SSH3: variants seen among roughly 807,000 people sequenced by gnomAD.
The protein encoded by SSH3 is protein phosphatase Slingshot homolog 3.
Under a neutral mutation model 75.0 loss-of-function variants are expected in SSH3, and 67 were observed. That is an observed-to-expected ratio of 0.89 (90% CI 0.73 to 1.10). SSH3 has a LOEUF of 1.10. SSH3 is among the 50% of genes least tolerant of loss of function. The pLI, the probability that SSH3 is intolerant of heterozygous loss-of-function variation, is 0.00. For synonymous variants in SSH3, 318 were observed against 349.2 expected, an observed-to-expected ratio of 0.91 and a Z score of 1.00; for missense variants, 824 against 872.7, an observed-to-expected ratio of 0.94 and a Z score of 0.70.
Position 67,309,643 on chromosome 11 carries a change from GC to G in SSH3, c.1208+103del. ...GCCATCAGCTGTGCCATTCCTTCCA[GC>G]CCTCAGTGTCCTTCCCTCCTTCTCT... On this transcript the variant is annotated intron_variant, in intron 11 of 13. Coordinates refer to ENST00000308127, the MANE Select transcript of SSH3 (RefSeq NM_017857.4). The G allele has an allele frequency of 1.3e-5, 21 of 1,574,034 alleles. No individual in the cohort carries two copies. The South Asian group carries it at 2.4e-4, about 18-fold the overall frequency.
intron 1 of SSH3, 138 bp from the exon 2 acceptor site, chr11:67,303,980 G>A (rs1861148501): frequency 3.4e-6 from 4 of 1,180,274 alleles, no homozygotes; most frequent in Non-Finnish European, 4.7e-6. Flanking sequence ...GGGGCCTCCC[G>A]GTGGGGCGTG....
rs781329624 is a variant in SSH3, at chr11:67,310,087, G to A, written c.1431G>A (p.Glu477=). ...ACAGCCGCCAGAGCCATGTCTGGGAGCAGAAAGTGGGTGGGGTCTCCCCAG... is the reference window on the plus strand; with the variant it reads ...ACAGCCGCCAGAGCCATGTCTGGGAACAGAAAGTGGGTGGGGTCTCCCCAG... ...LTASRQSHVW[E]QKVGGVSPEE... Residue 477 remains glutamate (E), a synonymous_variant, in exon 13 of 14, where the codon GAG becomes GAA. Transcript: ENST00000308127. 1 of 1,613,516 alleles carries A rather than the reference G, an allele frequency of 6.2e-7. No homozygotes were observed. Among genetic ancestry groups the A allele is most frequent in the Non-Finnish European group, 8.5e-7 (1 of 1,179,700 alleles).
chr11:67,311,452 C>T (rs75351410), intron 13 of SSH3, 139 bp from the exon 14 acceptor site: 35 of 1,110,614 alleles, frequency 3.2e-5, no homozygotes, highest in East Asian at 2.6e-4. Context: ...TTTTGGCGTG[C>T]GTGCCACAAA....
In SSH3 at chr11:67,308,894, CAGAG is replaced by C. The variant is rs1861332608; in HGVS notation, c.1061+442_1061+445del. On this transcript the variant is annotated intron_variant, in intron 10 of 13. Transcript: ENST00000308127. This position sits in a 1 kb window ranked among gnomAD's most constrained non-coding sequence, Gnocchi z 4.9. ...CGCCACTGCACTCCAGCCTGGGCAA[CAGAG>C]AGAGACCCTGTCTCTAAAAAATAAG... Among the ~76,000 whole-genome samples, 2 of 152,036 alleles carry C rather than the reference CAGAG, an allele frequency of 1.3e-5. No individual in the cohort carries two copies. Among genetic ancestry groups the C allele is most frequent in the South Asian group, 4.1e-4 (2 of 4,830 alleles).
Position 67,307,415 on chromosome 11 carries a change from C to A in SSH3, c.581C>A (p.Pro194His), listed in dbSNP as rs1861276595. The change falls in exon 6 of 14, where the codon CCC becomes CAC. Residue 194 changes from proline (P) to histidine (H), a missense_variant. By Grantham distance (77) the Pro-to-His change is moderately conservative (BLOSUM62 -2). Transcript: ENST00000308127. The surrounding 1 kb of genome is among the most constrained non-coding windows in gnomAD (Gnocchi z 4.2). The stretch of plus-strand genomic sequence containing the variant: ...GGTGGGCAAAGCCGGATCTTCAAGC[C>A]CATCTCCATCCAGACCATGTGGTAA... ...TSGGQSRIFKPISIQTMWATL... is the reference protein window; with the variant it reads ...TSGGQSRIFKHISIQTMWATL... 9.3e-6 allele frequency: 15 copies of A among 1,614,080 alleles called. No homozygotes were observed. Among genetic ancestry groups the A allele is most frequent in the Non-Finnish European group, 1.3e-5 (15 of 1,180,026 alleles).
At position 67,311,878 on chromosome 11, in the gene SSH3, C is replaced by T. The variant is rs202207354; in HGVS notation, c.1971C>T (p.Gly657=). 79 of 1,610,778 alleles carry T rather than the reference C, an allele frequency of 4.9e-5. No homozygotes were observed. The highest frequency in any genetic ancestry group is 5.8e-5 in the Non-Finnish European group (69 of 1,179,656). ...GCGTGCATGACAGTGGAGAGGAGGG[C>T]GAGGCCTGAGCCCTCACACATGCCC... is the stretch of plus-strand genomic sequence containing the variant. ...QASVHDSGEE[G]EA Residue 657 remains glycine (G), a synonymous_variant, in exon 14 of 14, where the codon GGC becomes GGT. Transcript: ENST00000308127.
At chr11:67,304,542 G>C (rs1026352728) in intron 2 of SSH3, among the ~76,000 whole-genome samples, 2 of 152,248 alleles carry the variant, frequency 1.3e-5, no homozygotes, top group African/African-American at 4.8e-5. Context: ...AGCTAGAGTA[G>C]AGGGGCTGAG....
chr11:67,310,416 G>C (rs1338729707), intron 13 of SSH3, 77 bp downstream of exon 13: 2 of 1,515,278 alleles, frequency 1.3e-6, no homozygotes, highest in South Asian at 2.6e-5. Context: ...ACCAGGATGG[G>C]CGTTTGACTG....
chr11:67,308,855 G>A lies in SSH3; in HGVS notation c.1061+397G>A, dbSNP rs893376016. Among the ~76,000 whole-genome samples, 1 of 152,132 alleles carries A rather than the reference G, an allele frequency of 6.6e-6. No individual in the cohort carries two copies. The highest frequency in any genetic ancestry group is 2.4e-5 in the African/African-American group (1 of 41,418). ...TTGAGCCCTGGAGATTGAGGCCGCA[G>A]TGAGCCGTGATCACGCCACTGCACT... is the stretch of plus-strand genomic sequence containing the variant. On this transcript the variant is annotated intron_variant, in intron 10 of 13. Transcript: ENST00000308127. This position sits in a 1 kb window ranked among gnomAD's most constrained non-coding sequence, Gnocchi z 4.9.
Position 67,311,664 on chromosome 11 carries a change from G to T in SSH3, c.1757G>T (p.Gly586Val). 6.2e-7 allele frequency: 1 copy of T among 1,614,110 alleles called. No homozygotes were observed. The highest frequency in any genetic ancestry group is 1.6e-4 in the Middle Eastern group (1 of 6,062). Residue 586 changes from glycine (G) to valine (V), a missense_variant, in exon 14 of 14, where the codon GGC becomes GTC. Coordinates refer to ENST00000308127, the MANE Select transcript of SSH3 (RefSeq NM_017857.4). Reference protein sequence around the residue: ...PFPQLARTKGGQQVDRGPQPA... With the variant: ...PFPQLARTKGVQQVDRGPQPA... ...CCACAGCTTGCAAGGACCAAGGGAG[G>T]CCAGCAGGTGGACAGGGGGCCTCAG... is the stretch of plus-strand genomic sequence containing the variant.
Position 67,304,763 on chromosome 11 carries a change from GC to G in SSH3, c.105-7del, listed in dbSNP as rs1258118674. On this transcript the variant is annotated splice_polypyrimidine_tract_variant and intron_variant, in intron 2 of 13. Coordinates refer to ENST00000308127, the MANE Select transcript of SSH3 (RefSeq NM_017857.4). ...TGAGGAGCCATGACAGTTGCCCACT[GC>G]CCTGCCAGGCAGAGCTTTGCGGTGC... The G allele has an allele frequency of 5.0e-6, 8 of 1,590,300 alleles. No homozygotes were observed. The highest frequency in any genetic ancestry group is 1.3e-5 in the African/African-American group (1 of 74,824).
At chr11:67,305,989 A>T (rs557999617) in intron 3 of SSH3, among the ~76,000 whole-genome samples, 85 of 152,220 alleles carry the variant, frequency 5.6e-4, no homozygotes, top group African/African-American at 2.0e-3. Context: ...GGGTAAAAAA[A>T]AAACAACAAA....
chr11:67,305,037 G>T lies in SSH3; in HGVS notation c.339+30G>T, dbSNP rs751217589. ...GGGCCCATGTGGAGCTCCGGGGGGT[G>T]GGGGGAAGAGACACGCCTGAGGGCA... On this transcript the variant is annotated intron_variant, in intron 3 of 13. Coordinates refer to ENST00000308127, the MANE Select transcript of SSH3 (RefSeq NM_017857.4). The T allele has an allele frequency of 1.4e-5, 22 of 1,582,598 alleles. No homozygotes were observed. The Admixed American group carries it at 3.1e-4, about 22-fold the overall frequency.
intron 13 of SSH3, among the ~76,000 whole-genome samples, chr11:67,310,831 G>C (rs1861390035): frequency 1.3e-5 from 2 of 152,210 alleles, no homozygotes; most frequent in African/African-American, 4.8e-5. Context: ...TGCAGGCCCT[G>C]GGGGCGATCT....
chr11:67,309,487 G>A lies in SSH3; in HGVS notation c.1152G>A (p.Glu384=). Residue 384 remains glutamate, a synonymous_variant, in exon 11 of 14, where the codon GAG becomes GAA. Coordinates refer to ENST00000308127, the MANE Select transcript of SSH3 (RefSeq NM_017857.4). ...ACAATGTGCGCCTCTGGGATGAGGAGTCGGCCCAGCTGCTGCCGCACTGGA... is the reference window on the plus strand; with the variant it reads ...ACAATGTGCGCCTCTGGGATGAGGAATCGGCCCAGCTGCTGCCGCACTGGA... The part of the protein sequence containing the change: ...TYHNVRLWDE[E]SAQLLPHWKE... 1 of 1,614,154 alleles carries A rather than the reference G, an allele frequency of 6.2e-7. No individual in the cohort carries two copies. The highest frequency in any genetic ancestry group is 8.5e-7 in the Non-Finnish European group (1 of 1,180,036).
chr11:67,305,029 C>T (rs753825437), intron 3 of SSH3, 22 bp downstream of exon 3: 54 of 1,570,534 alleles, frequency 3.4e-5, no homozygotes, highest in East Asian at 1.4e-4. Flanking sequence ...TGTGGAGCTC[C>T]GGGGGGTGGG....
Position 67,310,075 on chromosome 11 carries a change from C to T in SSH3, c.1419C>T (p.Ser473=). Residue 473 remains serine (S), a synonymous_variant, in exon 13 of 14, where the codon AGC becomes AGT. Transcript: ENST00000308127. The stretch of plus-strand genomic sequence containing the variant: ...GGCCACCTCCTCACAGCCGCCAGAG[C>T]CATGTCTGGGAGCAGAAAGTGGGTG... The part of the protein sequence containing the change: ...YQGILTASRQ[S]HVWEQKVGGV... The T allele has an allele frequency of 6.2e-7, 1 of 1,613,124 alleles. No homozygotes were observed. Among genetic ancestry groups the T allele is most frequent in the Non-Finnish European group, 8.5e-7 (1 of 1,179,454 alleles).
rs934161794 is a variant in SSH3 at position 67,307,290 on chromosome 11, G to A, written c.537-81G>A. The A allele has an allele frequency of 8.7e-5, 138 of 1,587,310 alleles. No individual in the cohort carries two copies. The African/African-American group carries it at 1.5e-3, about 17-fold the overall frequency. On this transcript the variant is annotated intron_variant, in intron 5 of 13. Coordinates refer to ENST00000308127, the MANE Select transcript of SSH3 (RefSeq NM_017857.4). This position sits in a 1 kb window ranked among gnomAD's most constrained non-coding sequence, Gnocchi z 4.2. ...GCAAGGCACCTGACTCCTGGGTCTC[G>A]GCTTCCCGTATCCAGCAAAAGGATG...
chr11:67,309,267 C>A, intron 10 of SSH3, 130 bp from the exon 11 acceptor site: 1 of 1,163,034 alleles, frequency 8.6e-7, no homozygotes, highest in Non-Finnish European at 1.2e-6. Context: ...CTTCTCCTCC[C>A]ACTGTCACTG....
Sources: gnomAD v4.1 joint callset for allele counts (sites outside exome capture counted in the v4.1 genomes callset) on GRCh38, gnomAD v4.1.1 for gene constraint, Gnocchi (gnomAD v3.1) non-coding constraint, MANE v1.5 for transcripts, NCBI Gene and HGNC (gene_info 2026-07-23, HGNC 2026-07-21) for gene names.